CELF2: variants seen among roughly 807,000 people sequenced by gnomAD.
The protein encoded by CELF2 is CUGBP Elav-like family member 2.
A neutral mutation model predicts 62.6 loss-of-function variants in CELF2; 8 were observed. The observed-to-expected ratio is 0.13, with a 90% CI of 0.07 to 0.23. CELF2 has a LOEUF of 0.23. Among genes scored for constraint, CELF2 ranks in the 10% least tolerant of loss-of-function variants. The pLI, the probability that CELF2 is intolerant of heterozygous loss-of-function variation, is 1.00. For synonymous variants in CELF2, 258 were observed against 250.0 expected (o/e 1.03, Z -0.30); for missense variants, 333 against 671.0 (o/e 0.50, Z 5.56).
At chr10:10,468,665 G>A in the CELF2 span, among the ~76,000 whole-genome samples, 19 of 152,038 alleles carry the variant, frequency 1.2e-4, no homozygotes, top group African/African-American at 3.4e-4. Flanking sequence ...CAACTAGGGC[G>A]TGAACAAGAA....
the CELF2 span, among the ~76,000 whole-genome samples, chr10:10,484,918 A>G: frequency 6.6e-6 from 1 of 152,190 alleles, no homozygotes; most frequent in Non-Finnish European, 1.5e-5. Flanking sequence ...TTTTCCAATG[A>G]AAATATCCCT....
At chr10:10,786,842 C>T in the CELF2 span, 1 of 152,098 alleles carries the variant, frequency 6.6e-6, no homozygotes, top group Non-Finnish European at 1.5e-5. Context: ...TTACCATCTA[C>T]TCCTTTTGAT....
In CELF2 at chr10:10,865,857, G is replaced by A. The variant is rs1264062019; in HGVS notation, c.54-54107G>A. Among the ~76,000 whole-genome samples, 3 of 151,812 alleles carry A rather than the reference G, an allele frequency of 2.0e-5. No individual in the cohort carries two copies. The East Asian group carries it at 5.8e-4, about 29-fold the overall frequency. On this transcript the variant is annotated intron_variant, in intron 1 of 13. Coordinates refer to the CELF2 transcript ENST00000636488. ...TTTTTTGAAGTGTGAAGATAAGCCTGTTTGAGCCCTAGATCATTAATAAAG... is the reference window on the plus strand; with the variant it reads ...TTTTTTGAAGTGTGAAGATAAGCCTATTTGAGCCCTAGATCATTAATAAAG...
chr10:11,232,332 G>A lies in CELF2; in HGVS notation c.354+14825G>A, dbSNP rs1002260359. On this transcript the variant is annotated intron_variant, in intron 3 of 12. Transcript: ENST00000633077. ...GCTAAAAAATAGCTTCTATCTCTCA[G>A]TGACACATTTTTGGAGACTCATAAG... Among the ~76,000 whole-genome samples the A allele has an allele frequency of 2.6e-5, 4 of 152,288 alleles. No homozygotes were observed. The East Asian group carries it at 7.7e-4, about 29-fold the overall frequency.
At chr10:10,703,635 T>C in the CELF2 span, among the ~76,000 whole-genome samples, 1 of 152,196 alleles carries the variant, frequency 6.6e-6, no homozygotes, top group South Asian at 2.1e-4. Context: ...ATGGTTCTAA[T>C]GTACAGCTAG....
In CELF2 at chr10:11,110,271, C is replaced by G. The variant is rs931763747; in HGVS notation, c.75-55215C>G. On this transcript the variant is annotated intron_variant, in intron 1 of 12. Transcript: ENST00000633077. This position sits in a 1 kb window ranked among gnomAD's most constrained non-coding sequence, Gnocchi z 4.0. ...CATGGGCGACAGAGCAAGACCATGT[C>G]TTAAAAAAAAAAATCTGCTTTTTGT... Among the ~76,000 whole-genome samples the G allele has an allele frequency of 2.7e-5, 4 of 149,534 alleles. No homozygotes were observed. Among genetic ancestry groups the G allele is most frequent in the African/African-American group, 9.9e-5 (4 of 40,498 alleles).
chr10:10,795,584 T>C (rs1181446922), upstream of CELF2, among the ~76,000 whole-genome samples: 1 of 152,162 alleles, frequency 6.6e-6, no homozygotes, highest in Non-Finnish European at 1.5e-5. Context: ...GAATTAATTG[T>C]CTTGATGGCC....
chr10:10,582,083 T>A, the CELF2 span, among the ~76,000 whole-genome samples: 134 of 152,284 alleles, frequency 8.8e-4, no homozygotes, highest in Admixed American at 3.2e-3. Context: ...GGAGCAAGAT[T>A]TCCAAGATGT....
chr10:10,621,243 CAAAAAAAA>C, the CELF2 span, among the ~76,000 whole-genome samples: 1 of 45,348 alleles, frequency 2.2e-5, no homozygotes, highest in Non-Finnish European at 4.9e-5. Flanking sequence ...GACTCTGACT[CAAAAAAAA>C]AAAAAAAAAA....
At chr10:10,776,892 A>G in the CELF2 span, among the ~76,000 whole-genome samples, 1 of 152,170 alleles carries the variant, frequency 6.6e-6, no homozygotes, top group African/African-American at 2.4e-5. Flanking sequence ...ACAATGACCT[A>G]CAAAGGTCAA....
At chr10:11,104,790 G>A (rs1393594835) in intron 1 of CELF2, among the ~76,000 whole-genome samples, 1 of 152,188 alleles carries the variant, frequency 6.6e-6, no homozygotes, top group Non-Finnish European at 1.5e-5. Context: ...AATGCTCTTT[G>A]GAGTTGATAA....
the CELF2 span, among the ~76,000 whole-genome samples, chr10:10,564,436 TCTC>T: frequency 6.6e-6 from 1 of 152,020 alleles, no homozygotes. Context: ...AACTGATTTT[TCTC>T]CTCTTTTTAT....
At chr10:10,663,895 A>C in the CELF2 span, among the ~76,000 whole-genome samples, 2 of 152,228 alleles carry the variant, frequency 1.3e-5, no homozygotes, top group Non-Finnish European at 2.9e-5. Flanking sequence ...AACCTATTGC[A>C]ACAAAAGAAA....
chr10:11,140,938 G>A (rs1016819495), intron 1 of CELF2, among the ~76,000 whole-genome samples: 1 of 152,188 alleles, frequency 6.6e-6, no homozygotes, highest in Non-Finnish European at 1.5e-5. Context: ...GGTCGCTTGC[G>A]CCGGGGGTGT....
chr10:11,222,550 C>T (rs966616965), intron 3 of CELF2, among the ~76,000 whole-genome samples: 4 of 152,192 alleles, frequency 2.6e-5, no homozygotes, highest in African/African-American at 9.7e-5. Flanking sequence ...AGCGCTGATG[C>T]ATTTCTTTAT....
At chr10:11,027,200 C>G (rs1020201924) in intron 1 of CELF2, among the ~76,000 whole-genome samples, 2 of 152,204 alleles carry the variant, frequency 1.3e-5, no homozygotes, top group Non-Finnish European at 2.9e-5. Flanking sequence ...TGTCTCAAAG[C>G]AGTTTCTTAA....
the CELF2 span, among the ~76,000 whole-genome samples, chr10:10,706,818 C>T: frequency 1.2e-4 from 18 of 152,156 alleles, no homozygotes; most frequent in Admixed American, 3.3e-4. Flanking sequence ...CAACTTTAAA[C>T]GCTCTAGTTT....
chr10:10,945,333 C>A lies in CELF2; in HGVS notation c.89+25334C>A, dbSNP rs551217476. On this transcript the variant is annotated intron_variant, in intron 2 of 13. Transcript: ENST00000636488. The stretch of plus-strand genomic sequence containing the variant: ...TTAGGTATCATGGGAGGGAGGAAAG[C>A]AGGTAACTTGCCCTGAGTACCTGCT... Among the ~76,000 whole-genome samples, 13 of 152,262 alleles carry A rather than the reference C, an allele frequency of 8.5e-5. No homozygotes were observed. In the South Asian group the frequency reaches 2.7e-3, roughly 32 times the overall value.
intron 1 of CELF2, among the ~76,000 whole-genome samples, chr10:11,056,715 A>T (rs1474192150): frequency 6.6e-6 from 1 of 152,226 alleles, no homozygotes; most frequent in Non-Finnish European, 1.5e-5. Context: ...GGATCAGAGG[A>T]TGCATTTTCA....
Sources: allele counts gnomAD v4.1 joint callset (sites outside exome capture counted in the v4.1 genomes callset), GRCh38; gene constraint gnomAD v4.1.1; non-coding constraint Gnocchi (gnomAD v3.1); transcripts MANE v1.5; gene names NCBI Gene and HGNC (gene_info 2026-07-23, HGNC 2026-07-21).